The following ODAD3 variants were observed in gnomAD, a reference collection of about 807,000 sequenced individuals.
The protein encoded by ODAD3 is outer dynein arm-docking complex subunit 3.
In ODAD3, 57 loss-of-function variants were observed where a neutral mutation model predicts 70.9. That is an observed-to-expected ratio of 0.80 (90% CI 0.65 to 1.00). The LOEUF (loss-of-function observed/expected upper bound fraction) is 1.00, where lower values mean the gene tolerates loss of function less well. Among genes scored for constraint, ODAD3 ranks in the 50% least tolerant of loss-of-function variants. The pLI is 0.00. For missense variants in ODAD3, 797 were observed against 763.9 expected, an observed-to-expected ratio of 1.04 and a Z score of -0.51; for synonymous variants, 327 against 315.9, an observed-to-expected ratio of 1.04 and a Z score of -0.37.
At chr19:11,424,653 A>C (rs1969230493) in intron 7 of ODAD3, among the ~76,000 whole-genome samples, 1 of 97,380 alleles carries the variant, frequency 1.0e-5, no homozygotes, top group Non-Finnish European at 1.8e-5. Flanking sequence ...ATATATACCT[A>C]TGTGTATATA....
At chr19:11,427,479 T>C (rs1969408373) in intron 3 of ODAD3, among the ~76,000 whole-genome samples, 2 of 70,548 alleles carry the variant, frequency 2.8e-5, no homozygotes, top group African/African-American at 9.4e-5. Flanking sequence ...TTTTGTTTTC[T>C]TTTCTTTTTT....
At chr19:11,421,901 G>A in intron 10 of ODAD3, 69 bp from the exon 11 acceptor site, 1 of 1,528,870 alleles carries the variant, frequency 6.5e-7, no homozygotes, top group Non-Finnish European at 8.8e-7. Context: ...CCCAGGGGCG[G>A]GGCTTTTCTT....
intron 7 of ODAD3, among the ~76,000 whole-genome samples, chr19:11,425,500 T>C (rs1267005643): frequency 2.1e-5 from 3 of 142,662 alleles, no homozygotes; most frequent in Admixed American, 1.4e-4. Flanking sequence ...TGTATATATG[T>C]ATATATGTGT....
In ODAD3 at chr19:11,422,947, G is replaced by A; in HGVS notation, c.1117-86C>T. Reference sequence around the variant, plus strand: ...CCTCTCCCCCACCCTGCGAACCCTCGCACGCAGGACAGGTGGCCTGAGCTG... The same window carrying A: ...CCTCTCCCCCACCCTGCGAACCCTCACACGCAGGACAGGTGGCCTGAGCTG... On this transcript the variant is annotated intron_variant, in intron 8 of 12. Transcript: ENST00000356392. This position sits in a 1 kb window ranked among gnomAD's most constrained non-coding sequence, Gnocchi z 4.6. 1 of 1,472,356 alleles carries A rather than the reference G, an allele frequency of 6.8e-7. No individual in the cohort carries two copies. Among genetic ancestry groups the A allele is most frequent in the Non-Finnish European group, 9.1e-7 (1 of 1,096,018 alleles). The allele number at this position is 1,472,356 out of a possible 1,614,324, so 91.2% of individuals were successfully genotyped here.
chr19:11,430,588 C>T, intron 3 of ODAD3, 111 bp downstream of exon 3: 4 of 970,404 alleles, frequency 4.1e-6, no homozygotes, highest in Non-Finnish European at 5.0e-6. Flanking sequence ...TGAATGAGCA[C>T]ATGAATGGCA....
intron 7 of ODAD3, among the ~76,000 whole-genome samples, chr19:11,424,535 A>G (rs1456031480): frequency 7.5e-6 from 1 of 133,202 alleles, no homozygotes; most frequent in Non-Finnish European, 1.6e-5. Context: ...ATATATGTAT[A>G]TATGTGTATA....
intron 3 of ODAD3, among the ~76,000 whole-genome samples, chr19:11,427,916 C>T (rs979774952): frequency 4.0e-5 from 6 of 151,766 alleles, no homozygotes; most frequent in African/African-American, 1.2e-4. Context: ...CTGGCTAACA[C>T]GGTAAAACCC....
intron 1 of ODAD3, among the ~76,000 whole-genome samples, chr19:11,432,815 A>T (rs1333580226): frequency 1.3e-5 from 2 of 150,426 alleles, no homozygotes; most frequent in Non-Finnish European, 3.0e-5. Flanking sequence ...TTTTTTTAAG[A>T]CGGAATCTCA....
At chr19:11,432,271 C>G (rs1052371350) in intron 1 of ODAD3, among the ~76,000 whole-genome samples, 17 of 152,104 alleles carry the variant, frequency 1.1e-4, no homozygotes, top group Non-Finnish European at 2.9e-5. Flanking sequence ...TTTTTTGGGA[C>G]TGGGTCTTGC....
chr19:11,430,839 C>T (rs1293387230), intron 2 of ODAD3, 60 bp downstream of exon 2: 2 of 1,613,842 alleles, frequency 1.2e-6, no homozygotes, highest in East Asian at 2.2e-5. Context: ...CAGGTGCTAC[C>T]TACTTGTCCC....
chr19:11,430,663 GA>G (rs780207674), intron 3 of ODAD3, 35 bp downstream of exon 3: 1 of 1,609,766 alleles, frequency 6.2e-7, no homozygotes, highest in Non-Finnish European at 8.5e-7. Flanking sequence ...ACCCAGGCTG[GA>G]AATGAAGGAG....
intron 3 of ODAD3, among the ~76,000 whole-genome samples, chr19:11,427,305 T>C (rs1258039121): frequency 6.6e-6 from 1 of 151,756 alleles, no homozygotes; most frequent in East Asian, 1.9e-4. Flanking sequence ...CTTTCGTTTT[T>C]TTTTTTTTAG....
Position 11,420,833 on chromosome 19 carries a change from G to C in ODAD3, c.*2C>G. On this transcript the variant is annotated 3_prime_UTR_variant, in exon 13 of 13. Transcript: ENST00000356392. ...GGCCGCCTGGTGGGTGTCAGGACGA[G>C]TCTAGGACCTCCGAGAGCGACGGTG... The C allele has an allele frequency of 6.2e-7, 1 of 1,613,182 alleles. No homozygotes were observed. The highest frequency in any genetic ancestry group is 8.5e-7 in the Non-Finnish European group (1 of 1,179,242).
rs756389981 is a variant in ODAD3, at chr19:11,435,009, G to T, written c.8C>A (p.Ser3Tyr). Residue 3 changes from serine to tyrosine, a missense_variant, in exon 1 of 13, where the codon TCT (serine) becomes TAT (tyrosine). By Grantham distance (144) the Ser-to-Tyr change is moderately radical. Coordinates refer to ENST00000356392, the MANE Select transcript of ODAD3 (RefSeq NM_145045.5). MT[S>Y]PLCRAASANA... ...GGCGGAGGCCGCCCTGCACAGAGGA[G>T]ATGTCATGATGGGGTTGGGGCTGAA... is the stretch of plus-strand genomic sequence containing the variant. The T allele has an allele frequency of 1.2e-6, 2 of 1,610,498 alleles. No homozygotes were observed. Among genetic ancestry groups the T allele is most frequent in the Non-Finnish European group, 1.7e-6 (2 of 1,179,472 alleles).
chr19:11,435,673 G>C (rs754954742), upstream of ODAD3: 22 of 1,302,096 alleles, frequency 1.7e-5, no homozygotes, highest in South Asian at 2.6e-4. Context: ...GACAAGAGGG[G>C]TGCGGTGGAT....
chr19:11,425,377 GTGTGTA>G (rs1969314488), intron 7 of ODAD3, among the ~76,000 whole-genome samples: 1 of 132,654 alleles, frequency 7.5e-6, no homozygotes, highest in Non-Finnish European at 1.5e-5. Context: ...GTGTATATAT[GTGTGTA>G]TGTACATATG....
At chr19:11,423,778 G>A in intron 8 of ODAD3, 99 bp downstream of exon 8, 2 of 1,265,836 alleles carry the variant, frequency 1.6e-6, no homozygotes, top group Non-Finnish European at 2.2e-6. Context: ...CTGGCAGAGA[G>A]GGGAGACAGG....
Position 11,422,507 on chromosome 19 carries a change from C to T in ODAD3, c.1398G>A (p.Leu466=). The T allele has an allele frequency of 6.3e-7, 1 of 1,594,406 alleles. No individual in the cohort carries two copies. The highest frequency in any genetic ancestry group is 8.5e-7 in the Non-Finnish European group (1 of 1,172,276). The part of the protein sequence containing the change: ...LRAMQVAKDS[L]EHLASKLIHI... Reference sequence around the variant, plus strand: ...GGATCAGCTTGCTGGCCAGGTGCTCCAGGCTGTCCTTGGCCACTTGCATCG... The same window carrying T: ...GGATCAGCTTGCTGGCCAGGTGCTCTAGGCTGTCCTTGGCCACTTGCATCG... The change falls in exon 10 of 13, where the codon CTG becomes CTA. Residue 466 remains leucine, a synonymous_variant. Transcript: ENST00000356392. This position sits in a 1 kb window ranked among gnomAD's most constrained non-coding sequence, Gnocchi z 4.6.
chr19:11,423,221 C>G (rs1648838944), intron 8 of ODAD3, among the ~76,000 whole-genome samples: 1 of 152,230 alleles, frequency 6.6e-6, no homozygotes. Context: ...CGGAGCCATC[C>G]GCTCACAAGG....
Sources: allele counts gnomAD v4.1 joint callset (sites outside exome capture counted in the v4.1 genomes callset), GRCh38; gene constraint gnomAD v4.1.1; non-coding constraint Gnocchi (gnomAD v3.1); transcripts MANE v1.5; gene names NCBI Gene and HGNC (gene_info 2026-07-23, HGNC 2026-07-21).